DZIP1L: variants seen among roughly 807,000 people sequenced by gnomAD.
DZIP1L encodes DAZ interacting zinc finger protein 1 like.
In DZIP1L, 90 loss-of-function variants were observed where a neutral mutation model predicts 88.7. The ratio of observed to expected loss-of-function variants is 1.02; its 90% CI spans 0.86 to 1.21. DZIP1L has a LOEUF of 1.21. DZIP1L is among the 50% of genes most tolerant of loss of function. The pLI, the probability that DZIP1L is intolerant of heterozygous loss-of-function variation, is 0.00. For synonymous variants in DZIP1L, 363 were observed against 372.1 expected (o/e 0.98, Z 0.28); for missense variants, 932 against 955.8 (o/e 0.98, Z 0.33).
intron 8 of DZIP1L, among the ~76,000 whole-genome samples, chr3:138,083,323 G>A (rs1287620794): frequency 1.3e-5 from 2 of 152,182 alleles, no homozygotes; most frequent in African/African-American, 2.4e-5. Flanking sequence ...AGCACAAATA[G>A]CAAGGGGTGC....
chr3:138,075,941 G>C (rs1187991025), intron 11 of DZIP1L, among the ~76,000 whole-genome samples: 9 of 152,126 alleles, frequency 5.9e-5, no homozygotes. Flanking sequence ...CATGGTGACA[G>C]AGCGAGATTC....
chr3:138,084,823 T>G (rs1213272833), intron 7 of DZIP1L, among the ~76,000 whole-genome samples: 1 of 152,228 alleles, frequency 6.6e-6, no homozygotes, highest in Non-Finnish European at 1.5e-5. Context: ...TGAAAATGCT[T>G]CAGTTTCAGC....
chr3:138,068,182 T>G lies in DZIP1L; in HGVS notation c.1801A>C (p.Ser601Arg), dbSNP rs1255469851. The change falls in exon 13 of 16, where the codon AGC (serine) becomes CGC (arginine). Residue 601 changes from serine (S) to arginine (R), a missense_variant. Coordinates refer to ENST00000327532, the MANE Select transcript of DZIP1L (RefSeq NM_173543.3). ...APRPGLHGPS[S>R]TPPSSGPGMS... ...CCGGGCCCCGAGGAAGGAGGGGTGCTGGAGGGTCCATGCAGTCCGGGGCGT... is the reference window on the plus strand; with the variant it reads ...CCGGGCCCCGAGGAAGGAGGGGTGCGGGAGGGTCCATGCAGTCCGGGGCGT... 6.4e-7 allele frequency: 1 copy of G among 1,561,098 alleles called. No homozygotes were observed. The highest frequency in any genetic ancestry group is 1.9e-5 in the Admixed American group (1 of 53,888).
rs769672232 is a variant in DZIP1L, at chr3:138,067,548, G to T, written c.1985C>A (p.Pro662His). 3 of 1,607,968 alleles carry T rather than the reference G, an allele frequency of 1.9e-6. No individual in the cohort carries two copies. The highest frequency in any genetic ancestry group is 2.5e-6 in the Non-Finnish European group (3 of 1,177,352). Residue 662 changes from proline to histidine, a missense_variant, in exon 14 of 16, where the codon CCC (proline) becomes CAC (histidine). Coordinates refer to ENST00000327532, the MANE Select transcript of DZIP1L (RefSeq NM_173543.3). ...DTETSEENAQ[P>H]PGQGSGTLVQ... ...CAGCTCACCTGAGCCCTGGCCAGGG[G>T]GCTGGGCATTCTCCTCCGAGGTCTC...
intron 12 of DZIP1L, among the ~76,000 whole-genome samples, chr3:138,068,658 G>A (rs1943027535): frequency 6.6e-6 from 1 of 152,088 alleles, no homozygotes; most frequent in African/African-American, 2.4e-5. Flanking sequence ...CTGAAGAGGG[G>A]CTCAGTAGTC....
Position 138,111,463 on chromosome 3 carries a change from C to T in DZIP1L, c.-82+3865G>A, listed in dbSNP as rs539040619. Among the ~76,000 whole-genome samples, 6 of 152,320 alleles carry T rather than the reference C, an allele frequency of 3.9e-5. No individual in the cohort carries two copies. The South Asian group carries it at 1.0e-3, about 26-fold the overall frequency. On this transcript the variant is annotated intron_variant, in intron 1 of 15. Transcript: ENST00000327532. ...TATCAATGAGAAGTCGCAGTGCCCA[C>T]GCTGACTGTCAAGATATGGCCTCAG...
Position 138,062,693 on chromosome 3 carries a change from C to T in DZIP1L, c.*123G>A. Reference sequence around the variant, plus strand: ...CATATCCATTCCCTGCACTGCTTCTCTCCAAGAGGATGATCTCTTGGTTGT... The same window carrying T: ...CATATCCATTCCCTGCACTGCTTCTTTCCAAGAGGATGATCTCTTGGTTGT... On this transcript the variant is annotated 3_prime_UTR_variant, in exon 16 of 16. Transcript: ENST00000327532. 1 of 1,177,068 alleles carries T rather than the reference C, an allele frequency of 8.5e-7. No homozygotes were observed. The allele number at this position is 1,177,068 out of a possible 1,614,324, so 72.9% of individuals were successfully genotyped here. A position where few individuals can be genotyped will look rare whatever the true frequency, so the allele number is the denominator to read the frequency against.
intron 1 of DZIP1L, among the ~76,000 whole-genome samples, 157 bp downstream of exon 1, chr3:138,115,171 C>G (rs1483707594): frequency 1.3e-5 from 2 of 152,094 alleles, no homozygotes; most frequent in African/African-American, 4.8e-5. Context: ...CGCACGCAGC[C>G]GGCTCCTCCC....
intron 1 of DZIP1L, chr3:138,112,335 A>G (rs2042632140): frequency 6.6e-6 from 1 of 152,152 alleles, no homozygotes; most frequent in Non-Finnish European, 1.5e-5. Flanking sequence ...TGATATACAA[A>G]TTATTTTCCA....
intron 7 of DZIP1L, among the ~76,000 whole-genome samples, chr3:138,086,558 T>C (rs1943948855): frequency 6.6e-6 from 1 of 152,172 alleles, no homozygotes; most frequent in African/African-American, 2.4e-5. Context: ...CCTGCTGAAC[T>C]ATCACTGAGG....
chr3:138,102,130 C>T, intron 2 of DZIP1L: 2 of 1,403,504 alleles, frequency 1.4e-6, no homozygotes, highest in Non-Finnish European at 2.0e-6. Flanking sequence ...TGTGCCTTGA[C>T]CTCAGCGATG....
rs140443333 is a variant in DZIP1L, at chr3:138,071,677, G to A, written c.1581C>T (p.Gly527=). 1.4e-5 allele frequency: 23 copies of A among 1,614,044 alleles called. No individual in the cohort carries two copies. Among genetic ancestry groups the A allele is most frequent in the Middle Eastern group, 1.6e-4 (1 of 6,062 alleles). ...GCCCGTCTGGCTGGGACACCACAGC[G>A]CCATTCTCCTGTCTCTCCTTCGCTC... ...TSRAKERQEN[G]AVVSQPDGQP... Residue 527 remains glycine, a synonymous_variant, in exon 12 of 16, where the codon GGC becomes GGT. Coordinates refer to ENST00000327532, the MANE Select transcript of DZIP1L (RefSeq NM_173543.3).
chr3:138,094,195 T>A (rs375368481), intron 4 of DZIP1L, among the ~76,000 whole-genome samples: 1 of 152,130 alleles, frequency 6.6e-6, no homozygotes, highest in African/African-American at 2.4e-5. Context: ...ATAATAATAA[T>A]GAAAAAGTTT....
chr3:138,087,813 T>C (rs1197085290), intron 6 of DZIP1L, among the ~76,000 whole-genome samples: 10 of 152,196 alleles, frequency 6.6e-5, no homozygotes, highest in Admixed American at 6.5e-4. Context: ...ATACAGACCA[T>C]TTTATAACCA....
chr3:138,091,963 A>G (rs1944255895), intron 5 of DZIP1L, among the ~76,000 whole-genome samples: 3 of 152,214 alleles, frequency 2.0e-5, no homozygotes, highest in African/African-American at 7.2e-5. Flanking sequence ...AGAAAAATGC[A>G]TTCAATTAAA....
At chr3:138,068,927 T>A in intron 12 of DZIP1L, 1 of 1,250,450 alleles carries the variant, frequency 8.0e-7, no homozygotes, top group Non-Finnish European at 1.0e-6. Context: ...ATCAGCAAGT[T>A]TTTATGGGAA....
In DZIP1L at chr3:138,071,763, C is replaced by A. The variant is rs1264617486; in HGVS notation, c.1495G>T (p.Ala499Ser). The stretch of plus-strand genomic sequence containing the variant: ...CTCAGAAATTCAGAAAACTTCCGGG[C>A]CTTCTGCTCCCGCTGGACTCTCAGC... Reference protein sequence around the residue: ...SLLRVQREQKARKFSEFLSLR... With the variant: ...SLLRVQREQKSRKFSEFLSLR... Residue 499 changes from alanine (A) to serine (S), a missense_variant, in exon 12 of 16, where the codon GCC becomes TCC. By Grantham distance (99) the Ala-to-Ser change is moderately conservative (BLOSUM62 1). Transcript: ENST00000327532. The A allele has an allele frequency of 2.5e-6, 4 of 1,614,082 alleles. No individual in the cohort carries two copies.
At chr3:138,101,874 C>T (rs1251128402) in intron 2 of DZIP1L, 1 of 1,404,090 alleles carries the variant, frequency 7.1e-7, no homozygotes, top group African/African-American at 1.4e-5. Context: ...CCAGCTCGGA[C>T]AGCTTGGCGT....
At chr3:138,068,051 C>A (rs572529891) in intron 13 of DZIP1L, 100 bp downstream of exon 13, 332 of 1,078,092 alleles carry the variant, frequency 3.1e-4, no homozygotes, top group Non-Finnish European at 3.4e-4. Flanking sequence ...TGTCTGCCCC[C>A]CTCCTATCTG....
Sources: gnomAD v4.1 joint callset for allele counts (sites outside exome capture counted in the v4.1 genomes callset) on GRCh38, gnomAD v4.1.1 for gene constraint, MANE v1.5 for transcripts, NCBI Gene and HGNC (gene_info 2026-07-23, HGNC 2026-07-21) for gene names.